Variants in KCNU1 observed in about 807,000 individuals in gnomAD.
The protein encoded by KCNU1 is potassium calcium-activated channel subfamily U member 1.
A neutral mutation model predicts 126.8 loss-of-function variants in KCNU1; 93 were observed. The observed-to-expected ratio is 0.73, with a 90% confidence interval of 0.62 to 0.87. The LOEUF is 0.87. Among genes scored for constraint, KCNU1 ranks in the 40% least tolerant of loss-of-function variants. The probability of loss-of-function intolerance (pLI) is 0.00; values close to 1 mark genes in which losing one functional copy is unlikely to be tolerated. For synonymous variants in KCNU1, 523 were observed against 494.2 expected (o/e 1.06, Z -0.77); for missense variants, 1,330 against 1,367.1 (o/e 0.97, Z 0.43).
At chr8:36,896,960 A>T (rs1211198642) in intron 19 of KCNU1, among the ~76,000 whole-genome samples, 1 of 151,944 alleles carries the variant, frequency 6.6e-6, no homozygotes, top group Non-Finnish European at 1.5e-5. Context: ...ACAGTACACA[A>T]TTTTTCATCT....
chr8:36,910,324 T>C (rs1037469748), intron 21 of KCNU1, among the ~76,000 whole-genome samples: 2 of 152,178 alleles, frequency 1.3e-5, no homozygotes, highest in African/African-American at 4.8e-5. Context: ...AAAAAGCCAC[T>C]GTAAGTTTCC....
At chr8:36,849,011 A>G (rs926696498) in intron 18 of KCNU1, among the ~76,000 whole-genome samples, 4 of 152,264 alleles carry the variant, frequency 2.6e-5, no homozygotes, top group African/African-American at 9.6e-5. Flanking sequence ...GTACAATTCA[A>G]TGAGTTTCTT....
intron 20 of KCNU1, among the ~76,000 whole-genome samples, chr8:36,908,379 T>A (rs1308479734): frequency 6.6e-6 from 1 of 152,148 alleles, no homozygotes; most frequent in East Asian, 1.9e-4. Context: ...AAATGAAATT[T>A]TTTTTATTAT....
Position 36,817,384 on chromosome 8 carries a change from A to G in KCNU1, c.996-266A>G, listed in dbSNP as rs182770995. ...CGTGGTGGCGCATGCCTTTAATCCC[A>G]GCTACTTGGGAGGCTGAGGCAGGAG... On this transcript the variant is annotated intron_variant, in intron 9 of 26. Coordinates refer to ENST00000399881, the MANE Select transcript of KCNU1 (RefSeq NM_001031836.3). Among the ~76,000 whole-genome samples, 1,069 of 151,668 alleles carry G rather than the reference A, an allele frequency of 7.0e-3. 11 individuals carry two copies. The highest frequency in any genetic ancestry group is 0.025 in the African/African-American group (1,039 of 41,320).
At position 36,791,228 on chromosome 8, in the gene KCNU1, G is replaced by A. The variant is rs564546169; in HGVS notation, c.315+3803G>A. ...TAGGTGTGTTATATCAACTACCTGC[G>A]GAAAAAAATTTTCTTCTAAATTTAG... On this transcript the variant is annotated intron_variant, in intron 2 of 26. Transcript: ENST00000399881. Among the ~76,000 whole-genome samples, 182 of 152,032 alleles carry A rather than the reference G, an allele frequency of 1.2e-3. 3 individuals are homozygous for A. The South Asian group carries it at 0.017, about 14-fold the overall frequency.
At chr8:36,840,793 C>T (rs1194036293) in intron 15 of KCNU1, 139 bp from the exon 16 acceptor site, 3 of 714,968 alleles carry the variant, frequency 4.2e-6, no homozygotes, top group African/African-American at 3.5e-5. Flanking sequence ...GGTGGATTCA[C>T]TTACAAGGGA....
chr8:36,900,833 G>C (rs1042872383), intron 19 of KCNU1, among the ~76,000 whole-genome samples: 6 of 152,016 alleles, frequency 3.9e-5, no homozygotes, highest in African/African-American at 7.2e-5. Context: ...AACCAAGAAA[G>C]CCACTCAAAC....
chr8:36,869,079 T>C (rs576846107), intron 19 of KCNU1, among the ~76,000 whole-genome samples: 33 of 152,308 alleles, frequency 2.2e-4, no homozygotes, highest in African/African-American at 7.2e-4. Context: ...TGATTTTAAT[T>C]AGATATTAGA....
intron 19 of KCNU1, among the ~76,000 whole-genome samples, chr8:36,886,744 AC>A (rs1432881937): frequency 6.6e-6 from 1 of 152,124 alleles, no homozygotes. Context: ...TGTACCTGTC[AC>A]CAAAGCAGTA....
At chr8:36,873,907 T>TACA (rs939623326) in intron 19 of KCNU1, among the ~76,000 whole-genome samples, 2 of 152,054 alleles carry the variant, frequency 1.3e-5, no homozygotes, top group Non-Finnish European at 2.9e-5. Context: ...AGTCATAATT[T>TACA]ACAACAACAA....
At chr8:36,788,688 T>C (rs1206117526) in intron 2 of KCNU1, among the ~76,000 whole-genome samples, 3 of 152,220 alleles carry the variant, frequency 2.0e-5, no homozygotes, top group Non-Finnish European at 4.4e-5. Context: ...GCCTCTCCTT[T>C]TTCTGTCTTC....
chr8:36,814,960 C>A (rs1300942867), intron 8 of KCNU1, among the ~76,000 whole-genome samples: 1 of 152,130 alleles, frequency 6.6e-6, no homozygotes, highest in African/African-American at 2.4e-5. Flanking sequence ...TGTCTCTTAA[C>A]CCTCCTCTGT....
intron 11 of KCNU1, 61 bp downstream of exon 11, chr8:36,833,720 G>A (rs775422822): frequency 4.3e-6 from 4 of 938,382 alleles, no homozygotes; most frequent in South Asian, 1.4e-5. Context: ...TAAAATAATA[G>A]GATATATTGC....
At chr8:36,837,192 C>G (rs1177876729) in intron 14 of KCNU1, among the ~76,000 whole-genome samples, 2 of 152,076 alleles carry the variant, frequency 1.3e-5, no homozygotes, top group African/African-American at 4.8e-5. Context: ...AAATATAACT[C>G]TGCTTCCTAC....
intron 19 of KCNU1, among the ~76,000 whole-genome samples, chr8:36,884,954 C>T (rs1466919666): frequency 6.6e-6 from 1 of 152,172 alleles, no homozygotes; most frequent in African/African-American, 2.4e-5. Flanking sequence ...AAATTGGAGA[C>T]TTTTCTTGGC....
chr8:36,804,516 A>G (rs1002626101), intron 3 of KCNU1, among the ~76,000 whole-genome samples: 1 of 152,198 alleles, frequency 6.6e-6, no homozygotes, highest in Non-Finnish European at 1.5e-5. Flanking sequence ...AGAAAGGAAA[A>G]TGCCAGCCCT....
intron 19 of KCNU1, among the ~76,000 whole-genome samples, chr8:36,879,238 T>TATATATATAC (rs1216880068): frequency 6.0e-4 from 83 of 139,310 alleles, no homozygotes; most frequent in South Asian, 2.3e-3. Context: ...TATATATATA[T>TATATATATAC]ACACACACAT....
In KCNU1 at chr8:36,909,246, G is replaced by C. The variant is rs933322383; in HGVS notation, c.2107-65G>C. ...AGAAGAATTGGGAGGAGAAGAGGGG[G>C]CCTACTTGGAGGGATTCTCATCTTG... is the stretch of plus-strand genomic sequence containing the variant. On this transcript the variant is annotated intron_variant, in intron 20 of 26. Coordinates refer to ENST00000399881, the MANE Select transcript of KCNU1 (RefSeq NM_001031836.3). The C allele has an allele frequency of 2.5e-5, 24 of 944,524 alleles. No individual in the cohort carries two copies. In the African/African-American group the frequency reaches 3.9e-4, roughly 15 times the overall value. 58.5% of individuals were successfully genotyped at this position (944,524 alleles called of 1,614,324 possible).
chr8:36,808,165 A>C (rs1463058745), intron 6 of KCNU1, among the ~76,000 whole-genome samples: 1 of 151,948 alleles, frequency 6.6e-6, no homozygotes, highest in East Asian at 1.9e-4. Context: ...AACCAGAGAG[A>C]TCTCAGCTAA....
Sources: gnomAD v4.1 joint callset for allele counts (sites outside exome capture counted in the v4.1 genomes callset) on GRCh38, gnomAD v4.1.1 for gene constraint, MANE v1.5 for transcripts, NCBI Gene and HGNC (gene_info 2026-07-23, HGNC 2026-07-21) for gene names.